The following TRIO variants were observed in gnomAD, a reference collection of about 807,000 sequenced individuals.
TRIO encodes trio Rho guanine nucleotide exchange factor.
A neutral mutation model predicts 351.9 loss-of-function variants in TRIO; 58 were observed. That is an observed-to-expected ratio of 0.16 (90% CI 0.13 to 0.21). The LOEUF is 0.21. Among genes scored for constraint, TRIO ranks in the 10% least tolerant of loss-of-function variants. The pLI, the probability that TRIO is intolerant of heterozygous loss-of-function variation, is 1.00. For synonymous variants in TRIO, 1,758 were observed against 1,595.7 expected (o/e 1.10, Z -2.42); for missense variants, 3,201 against 4,027.8 (o/e 0.79, Z 5.56).
At chr5:14,494,732 C>G (rs1756748597) in intron 49 of TRIO, among the ~76,000 whole-genome samples, 2 of 152,104 alleles carry the variant, frequency 1.3e-5, no homozygotes, top group South Asian at 4.2e-4. Context: ...AACCCAGGCT[C>G]TATTAAAAAT....
chr5:14,245,088 T>C (rs1794353620), intron 1 of TRIO, among the ~76,000 whole-genome samples: 4 of 152,246 alleles, frequency 2.6e-5, no homozygotes, highest in Admixed American at 2.6e-4. Flanking sequence ...TTTGAGTCAA[T>C]GAAAAGATAG....
chr5:14,469,277 T>C (rs965177628), intron 37 of TRIO, among the ~76,000 whole-genome samples: 1 of 152,162 alleles, frequency 6.6e-6, no homozygotes, highest in Non-Finnish European at 1.5e-5. Context: ...TAGGTAACCA[T>C]GTCAAGAAAA....
intron 1 of TRIO, among the ~76,000 whole-genome samples, chr5:14,166,463 C>A (rs1581259612): frequency 6.6e-6 from 1 of 152,172 alleles, no homozygotes; most frequent in African/African-American, 2.4e-5. Context: ...AATTTAATCC[C>A]TTTTTCTAAA....
At chr5:14,397,381 A>G (rs1747695982) in intron 29 of TRIO, 1 of 448,314 alleles carries the variant, frequency 2.2e-6, no homozygotes. Flanking sequence ...GCCTCTCCAC[A>G]CTCTGGACTC....
rs1334849636 is a variant in TRIO at position 14,293,119 on chromosome 5, T to C, written c.1161T>C (p.Phe387=). The change falls in exon 6 of 57, where the codon TTT becomes TTC. Residue 387 remains phenylalanine (F), a synonymous_variant. Transcript: ENST00000344204. ...AMELQTQHNH[F]AMNCMNVYVN... is the part of the protein sequence containing the mutation. ...AGCTTCAGACGCAGCACAATCACTTTGCCATGAACTGTATGGTAAGACACT... is the reference window on the plus strand; with the variant it reads ...AGCTTCAGACGCAGCACAATCACTTCGCCATGAACTGTATGGTAAGACACT... 1.9e-5 allele frequency: 30 copies of C among 1,614,052 alleles called. No individual in the cohort carries two copies. The highest frequency in any genetic ancestry group is 2.5e-5 in the Non-Finnish European group (29 of 1,180,018).
chr5:14,418,683 G>C (rs1301254034), intron 33 of TRIO: 1 of 153,182 alleles, frequency 6.5e-6, no homozygotes, highest in African/African-American at 2.4e-5. Flanking sequence ...TGCTTGCTTT[G>C]CTCGGGAGGA....
intron 34 of TRIO, among the ~76,000 whole-genome samples, chr5:14,437,689 C>CCA (rs1751698460): frequency 7.4e-6 from 1 of 135,814 alleles, no homozygotes; most frequent in African/African-American, 3.0e-5. Context: ...GAGGACCACC[C>CCA]CCCCCGCCCC....
At chr5:14,352,105 C>T (rs971531095) in intron 11 of TRIO, among the ~76,000 whole-genome samples, 29 of 152,242 alleles carry the variant, frequency 1.9e-4, no homozygotes, top group Non-Finnish European at 3.8e-4. Flanking sequence ...CATGTCCCTT[C>T]CTAGTCATCC....
intron 33 of TRIO, among the ~76,000 whole-genome samples, chr5:14,409,884 C>T (rs1325223553): frequency 6.6e-6 from 1 of 151,848 alleles, no homozygotes; most frequent in African/African-American, 2.4e-5. Flanking sequence ...CCTGCCAGTT[C>T]CACCATTGCC....
At chr5:14,488,418 G>T in intron 48 of TRIO, 158 bp downstream of exon 48, 1 of 1,100,120 alleles carries the variant, frequency 9.1e-7, no homozygotes, top group Non-Finnish European at 1.3e-6. Context: ...CTGCGGGCCG[G>T]CCCACGGCGC....
intron 1 of TRIO, among the ~76,000 whole-genome samples, chr5:14,155,744 A>C (rs1480147292): frequency 1.3e-5 from 2 of 152,186 alleles, no homozygotes; most frequent in African/African-American, 4.8e-5. Context: ...CCACTGTCCC[A>C]CTGTGGTGAT....
In TRIO at chr5:14,388,679, TGTAA is replaced by T. The variant is rs1322817450; in HGVS notation, c.3948+7_3948+10del. 2.5e-6 allele frequency: 4 copies of T among 1,595,842 alleles called. No individual in the cohort carries two copies. The highest frequency in any genetic ancestry group is 3.4e-6 in the Non-Finnish European group (4 of 1,175,278). On this transcript the variant is annotated splice_donor_variant and splice_donor_region_variant and intron_variant, in intron 24 of 56. Transcript: ENST00000344204. LOFTEE classifies it high-confidence loss of function. The stretch of plus-strand genomic sequence containing the variant: ...TAAGAGACCTCCGGGAATGTATGGA[TGTAA>T]GTAAGTTTTTTTTTTTTTTTTTTGC...
chr5:14,482,210 C>T (rs563018831), intron 45 of TRIO, among the ~76,000 whole-genome samples: 35 of 152,188 alleles, frequency 2.3e-4, no homozygotes, highest in East Asian at 5.8e-4. Context: ...TTCTCTCTGA[C>T]GCACACACAG....
rs1757925328 is a variant in TRIO at position 14,509,182 on chromosome 5, T to C, written c.*760T>C. ...CTCCCCCTGTTCCTGCCCCAAGCCG[T>C]CAATCAGATTGTGGAGCAGTACACA... On this transcript the variant is annotated 3_prime_UTR_variant, in exon 57 of 57. Transcript: ENST00000344204. The C allele has an allele frequency of 3.9e-6, 1 of 254,132 alleles. No individual in the cohort carries two copies. The highest frequency in any genetic ancestry group is 2.4e-5 in the African/African-American group (1 of 42,166). 15.7% of individuals were successfully genotyped at this position (254,132 alleles called of 1,614,324 possible).
intron 11 of TRIO, among the ~76,000 whole-genome samples, chr5:14,345,781 C>T (rs1288660272): frequency 6.6e-6 from 1 of 152,182 alleles, no homozygotes; most frequent in Non-Finnish European, 1.5e-5. Context: ...CTCAAGTGAT[C>T]CACCCACCTC....
intron 34 of TRIO, among the ~76,000 whole-genome samples, chr5:14,447,530 C>T (rs905211942): frequency 6.6e-6 from 1 of 152,238 alleles, no homozygotes; most frequent in Middle Eastern, 3.4e-3. Context: ...CCACTAATTG[C>T]ACAATTTTTA....
chr5:14,364,520 C>A, intron 14 of TRIO, 130 bp from the exon 15 acceptor site: 1 of 1,121,228 alleles, frequency 8.9e-7, no homozygotes, highest in South Asian at 1.6e-5. Flanking sequence ...TTGAACTTGC[C>A]CTTCAGCATA....
chr5:14,396,443 C>CTTTT lies in TRIO; in HGVS notation c.4312-559_4312-556dup, dbSNP rs1173121592. On this transcript the variant is annotated intron_variant, in intron 28 of 56. Transcript: ENST00000344204. ...ATAATAATTAAATATTTCTATTTATCTTTTTTTTTTTTTTTTTTTTTTTTT... is the reference window on the plus strand; with the variant it reads ...ATAATAATTAAATATTTCTATTTATCTTTTTTTTTTTTTTTTTTTTTTTTTTTTT... Among the ~76,000 whole-genome samples the CTTTT allele has an allele frequency of 1.2e-3, 49 of 41,544 alleles. 11 individuals carry two copies. Among genetic ancestry groups the CTTTT allele is most frequent in the South Asian group, 1.6e-3 (1 of 644 alleles). The allele number at this position is 41,544 out of a possible 152,430, so 27.3% of individuals were successfully genotyped here. A position where few individuals can be genotyped will look rare whatever the true frequency, so the allele number is the denominator to read the frequency against.
chr5:14,252,915 A>G (rs1581452119), intron 1 of TRIO, among the ~76,000 whole-genome samples: 1 of 151,810 alleles, frequency 6.6e-6, no homozygotes, highest in African/African-American at 2.4e-5. Context: ...ACTGGCTTGT[A>G]TACTTGGGGC....
Sources: allele counts gnomAD v4.1 joint callset (sites outside exome capture counted in the v4.1 genomes callset), GRCh38; gene constraint gnomAD v4.1.1; transcripts MANE v1.5; gene names NCBI Gene and HGNC (gene_info 2026-07-23, HGNC 2026-07-21).